Variants in DTNBP1 observed in about 807,000 individuals in gnomAD.
DTNBP1 encodes dysbindin.
Under a neutral mutation model 42.8 loss-of-function variants are expected in DTNBP1, and 35 were observed. That is an observed-to-expected ratio of 0.82 (90% CI 0.63 to 1.09). The LOEUF (loss-of-function observed/expected upper bound fraction) is 1.09, where lower values mean the gene tolerates loss of function less well. DTNBP1 is among the 50% of genes least tolerant of loss of function. The pLI, the probability that DTNBP1 is intolerant of heterozygous loss-of-function variation, is 0.00. For missense variants in DTNBP1, 457 were observed against 424.2 expected (o/e 1.08, Z -0.68); for synonymous variants, 171 against 162.2 (o/e 1.05, Z -0.41).
At chr6:15,531,044 A>G (rs984570981) in intron 8 of DTNBP1, among the ~76,000 whole-genome samples, 1 of 152,094 alleles carries the variant, frequency 6.6e-6, no homozygotes, top group Non-Finnish European at 1.5e-5. Context: ...GATTAGCCCT[A>G]ATACCAAGAG....
intron 5 of DTNBP1, among the ~76,000 whole-genome samples, chr6:15,618,524 CT>C (rs1323332016): frequency 6.8e-6 from 1 of 147,080 alleles, no homozygotes; most frequent in East Asian, 2.1e-4. Context: ...CCCTTACCCC[CT>C]AAAACTAAAA....
chr6:15,539,384 C>T (rs1389565900), intron 7 of DTNBP1, among the ~76,000 whole-genome samples: 2 of 152,178 alleles, frequency 1.3e-5, no homozygotes, highest in African/African-American at 4.8e-5. Flanking sequence ...TTGGGCTAGG[C>T]CCAACTCAGG....
At chr6:15,611,268 A>G (rs992237617) in intron 6 of DTNBP1, among the ~76,000 whole-genome samples, 2 of 152,184 alleles carry the variant, frequency 1.3e-5, no homozygotes, top group Non-Finnish European at 2.9e-5. Context: ...GGGTGAAAGC[A>G]TATCTGTTTG....
intron 7 of DTNBP1, among the ~76,000 whole-genome samples, chr6:15,575,496 C>A (rs1052745719): frequency 2.0e-5 from 3 of 152,136 alleles, no homozygotes; most frequent in Non-Finnish European, 4.4e-5. Flanking sequence ...TTTTGTCTCA[C>A]AAAGGAACAA....
intron 6 of DTNBP1, among the ~76,000 whole-genome samples, chr6:15,602,618 ATTC>A (rs1206930396): frequency 6.6e-6 from 1 of 152,254 alleles, no homozygotes; most frequent in East Asian, 1.9e-4. Flanking sequence ...TAATAAATGA[ATTC>A]TAAAACACTG....
intron 6 of DTNBP1, among the ~76,000 whole-genome samples, chr6:15,605,862 T>C (rs921181800): frequency 6.6e-6 from 1 of 152,344 alleles, no homozygotes; most frequent in South Asian, 2.1e-4. Flanking sequence ...TCTTTGCCTA[T>C]AGCCATATTC....
rs748944102 is a variant in DTNBP1, at chr6:15,523,801, C to T, written c.812-582G>A. 82 of 1,287,246 alleles carry T rather than the reference C, an allele frequency of 6.4e-5. No homozygotes were observed. The African/African-American group carries it at 1.1e-3, about 17-fold the overall frequency. 79.7% of individuals were successfully genotyped at this position (1,287,246 alleles called of 1,614,324 possible). A position where few individuals can be genotyped will look rare whatever the true frequency, so the allele number is the denominator to read the frequency against. On this transcript the variant is annotated intron_variant, in intron 9 of 9. Transcript: ENST00000344537. ...GGGCAAATGCACCCAAGCTCCTTCTCTTCCCCAGGATGACACCGTTCTGAC... is the reference window on the plus strand; with the variant it reads ...GGGCAAATGCACCCAAGCTCCTTCTTTTCCCCAGGATGACACCGTTCTGAC...
intron 7 of DTNBP1, among the ~76,000 whole-genome samples, chr6:15,534,472 T>C (rs1447384896): frequency 6.6e-6 from 1 of 151,670 alleles, no homozygotes; most frequent in African/African-American, 2.4e-5. Flanking sequence ...GCCAATATGG[T>C]AAAACCGTAA....
At chr6:15,538,338 C>T (rs1168927903) in intron 7 of DTNBP1, among the ~76,000 whole-genome samples, 2 of 152,106 alleles carry the variant, frequency 1.3e-5, no homozygotes, top group Non-Finnish European at 1.5e-5. Flanking sequence ...AGAGCATCCC[C>T]GGGCTGACAG....
At chr6:15,617,415 C>T (rs1249957991) in intron 5 of DTNBP1, among the ~76,000 whole-genome samples, 1 of 151,846 alleles carries the variant, frequency 6.6e-6, no homozygotes, top group Non-Finnish European at 1.5e-5. Flanking sequence ...ATAGCCAGAG[C>T]AATCCTGAGT....
At chr6:15,614,970 C>T in intron 6 of DTNBP1, 1 of 470,342 alleles carries the variant, frequency 2.1e-6, no homozygotes, top group Non-Finnish European at 4.0e-6. Context: ...AGTCATTTGC[C>T]TCTTGGAGAA....
intron 5 of DTNBP1, among the ~76,000 whole-genome samples, chr6:15,625,686 G>A (rs1032273365): frequency 2.0e-5 from 3 of 152,116 alleles, no homozygotes; most frequent in African/African-American, 7.2e-5. Context: ...CAATAGAGTG[G>A]TATTAAGCAA....
chr6:15,577,659 T>C (rs995322915), intron 7 of DTNBP1, among the ~76,000 whole-genome samples: 7 of 152,188 alleles, frequency 4.6e-5, no homozygotes, highest in Non-Finnish European at 8.8e-5. Context: ...AGGTTGAGTT[T>C]AAGATGCCAG....
chr6:15,570,478 T>C (rs950716598), intron 7 of DTNBP1, among the ~76,000 whole-genome samples: 4 of 152,168 alleles, frequency 2.6e-5, no homozygotes, highest in Non-Finnish European at 4.4e-5. Context: ...AACGAACCCA[T>C]CAGAACTCAG....
chr6:15,626,694 CA>C (rs892549169), intron 5 of DTNBP1, among the ~76,000 whole-genome samples: 4 of 152,072 alleles, frequency 2.6e-5, no homozygotes, highest in Non-Finnish European at 1.5e-5. Context: ...TGAACAACGA[CA>C]AAAAAATAAA....
chr6:15,658,858 G>C (rs1286123972), intron 1 of DTNBP1, among the ~76,000 whole-genome samples: 1 of 152,206 alleles, frequency 6.6e-6, no homozygotes, highest in Non-Finnish European at 1.5e-5. Context: ...TTTAGGTGAG[G>C]GGAAAAGATC....
chr6:15,541,561 T>C (rs1396103985), intron 7 of DTNBP1, among the ~76,000 whole-genome samples: 1 of 152,196 alleles, frequency 6.6e-6, no homozygotes, highest in Non-Finnish European at 1.5e-5. Context: ...TGCAGTAGTT[T>C]TTCTACGACG....
chr6:15,652,230 G>A (rs1761042223), intron 1 of DTNBP1, 90 bp from the exon 2 acceptor site: 5 of 1,044,372 alleles, frequency 4.8e-6, no homozygotes, highest in Middle Eastern at 3.0e-4. Flanking sequence ...CGTCCAGGCT[G>A]GAGTGCAGTG....
intron 6 of DTNBP1, among the ~76,000 whole-genome samples, chr6:15,611,551 C>T (rs1581391163): frequency 6.6e-6 from 1 of 152,168 alleles, no homozygotes; most frequent in East Asian, 1.9e-4. Context: ...ATAATGATTC[C>T]TTCAACGGAT....
Sources: gnomAD v4.1 joint callset for allele counts (sites outside exome capture counted in the v4.1 genomes callset) on GRCh38, gnomAD v4.1.1 for gene constraint, MANE v1.5 for transcripts, NCBI Gene and HGNC (gene_info 2026-07-23, HGNC 2026-07-21) for gene names.